ZNRF1: variants seen among roughly 807,000 people sequenced by gnomAD.
ZNRF1 encodes the protein E3 ubiquitin-protein ligase ZNRF1.
A neutral mutation model predicts 18.4 loss-of-function variants in ZNRF1; 3 were observed. The observed-to-expected ratio is 0.16, with a 90% CI of 0.07 to 0.42. The LOEUF is 0.42. Among genes scored for constraint, ZNRF1 ranks in the 10% least tolerant of loss-of-function variants. The pLI is 0.99. For missense variants in ZNRF1, 310 were observed against 329.8 expected (o/e 0.94, Z 0.47); for synonymous variants, 157 against 144.2 (o/e 1.09, Z -0.64).
chr16:75,048,815 C>T (rs192888373), intron 1 of ZNRF1, among the ~76,000 whole-genome samples: 3 of 152,104 alleles, frequency 2.0e-5, no homozygotes, highest in African/African-American at 7.2e-5. Flanking sequence ...TGAAATGGTG[C>T]GCAGATCTCG....
At chr16:75,050,345 G>A (rs2035577814) in intron 1 of ZNRF1, among the ~76,000 whole-genome samples, 1 of 152,004 alleles carries the variant, frequency 6.6e-6, no homozygotes, top group Admixed American at 6.6e-5. Flanking sequence ...GGGCAACATG[G>A]CAAAACCCTG....
At chr16:75,063,657 G>C (rs1282304890) in intron 1 of ZNRF1, among the ~76,000 whole-genome samples, 1 of 152,220 alleles carries the variant, frequency 6.6e-6, no homozygotes, top group Admixed American at 6.5e-5. Flanking sequence ...TGATGAATTT[G>C]TGAAGTTACT....
chr16:75,104,523 G>A (rs975347834), intron 2 of ZNRF1: 5 of 303,854 alleles, frequency 1.6e-5, no homozygotes, highest in Middle Eastern at 1.0e-3. Flanking sequence ...TTTTTCGTCC[G>A]CTGTCACCTA....
intron 1 of ZNRF1, among the ~76,000 whole-genome samples, chr16:75,055,364 C>T (rs2035655299): frequency 6.6e-6 from 1 of 152,248 alleles, no homozygotes; most frequent in African/African-American, 2.4e-5. Flanking sequence ...TGTATCCATT[C>T]TGTCTTTCCA....
At chr16:75,104,603 G>A (rs1029233657) in intron 2 of ZNRF1, 181 bp from the exon 3 acceptor site, 12 of 518,146 alleles carry the variant, frequency 2.3e-5, no homozygotes, top group Non-Finnish European at 3.1e-5. Context: ...TGATGTCCAC[G>A]CATTATCTCC....
rs1212307324 is a variant in ZNRF1, at chr16:75,106,585, TG to T, written c.*32+19del. 2 of 1,611,944 alleles carry T rather than the reference TG, an allele frequency of 1.2e-6. No individual in the cohort carries two copies. The highest frequency in any genetic ancestry group is 1.1e-5 in the South Asian group (1 of 91,038). ...CTCCTCTCAAAGGTGAGCCCGCGTT[TG>T]GGGGTGCTCCGGGCTCAAGGCTTGG... On this transcript the variant is annotated intron_variant, in intron 4 of 4. Coordinates refer to ENST00000335325, the MANE Select transcript of ZNRF1 (RefSeq NM_032268.5).
intron 1 of ZNRF1, among the ~76,000 whole-genome samples, chr16:75,081,288 G>A (rs1210553222): frequency 2.0e-5 from 3 of 152,202 alleles, no homozygotes; most frequent in Non-Finnish European, 2.9e-5. Flanking sequence ...GGTCTTCTGA[G>A]GGCACCTGCC....
intron 1 of ZNRF1, among the ~76,000 whole-genome samples, chr16:75,063,550 G>A (rs1371905534): frequency 6.6e-6 from 1 of 152,116 alleles, no homozygotes; most frequent in Non-Finnish European, 1.5e-5. Context: ...TATTTCGTTG[G>A]CATGTTTTTA....
chr16:74,999,912 G>C lies in ZNRF1; in HGVS notation c.241G>C (p.Asp81His). Residue 81 changes from aspartate (D) to histidine (H), a missense_variant, in exon 1 of 5, where the codon GAC (aspartate) becomes CAC (histidine). By Grantham distance (81) the Asp-to-His change is moderately conservative. Around this residue, in one of 2 missense-constraint regions of ZNRF1, gnomAD observed 293 missense variants for 291.2 expected, o/e 1.01. Coordinates refer to ENST00000335325, the MANE Select transcript of ZNRF1 (RefSeq NM_032268.5). ...CACCCCCGCCTCCCGGGGCACCGGC[G>C]ACTCCGAGAGGGCGCCCGGCGGCGG... ...LYTPASRGTG[D>H]SERAPGGGGS... 6.4e-7 allele frequency: 1 copy of C among 1,551,068 alleles called. No individual in the cohort carries two copies. The highest frequency in any genetic ancestry group is 8.7e-7 in the Non-Finnish European group (1 of 1,150,536).
intron 1 of ZNRF1, among the ~76,000 whole-genome samples, chr16:75,032,172 C>A (rs559542407): frequency 2.2e-5 from 3 of 137,590 alleles, no homozygotes; most frequent in Admixed American, 1.6e-4. Context: ...TGCAGTGGTA[C>A]GGTCTCAGCT....
intron 1 of ZNRF1, among the ~76,000 whole-genome samples, chr16:75,057,460 C>A (rs945192338): frequency 6.6e-6 from 1 of 151,962 alleles, no homozygotes; most frequent in Non-Finnish European, 1.5e-5. Context: ...AGGGGCTTGG[C>A]CTGTTTGGTG....
At chr16:75,102,840 A>G (rs1041799216) in intron 2 of ZNRF1, among the ~76,000 whole-genome samples, 4 of 152,138 alleles carry the variant, frequency 2.6e-5, no homozygotes, top group African/African-American at 9.7e-5. Context: ...CCCTTAGTGC[A>G]GGCACCTGCT....
chr16:75,071,169 G>A (rs2035865610), intron 1 of ZNRF1, among the ~76,000 whole-genome samples: 2 of 149,252 alleles, frequency 1.3e-5, no homozygotes, highest in East Asian at 2.0e-4. Context: ...GTGCAATCTT[G>A]GCTCACTGCA....
Position 74,999,730 on chromosome 16 carries a change from C to T in ZNRF1, c.59C>T (p.Thr20Ile), listed in dbSNP as rs1445996000. The T allele has an allele frequency of 7.2e-7, 1 of 1,386,748 alleles. No homozygotes were observed. The highest frequency in any genetic ancestry group is 9.3e-7 in the Non-Finnish European group (1 of 1,077,034). 85.9% of individuals were successfully genotyped at this position (1,386,748 alleles called of 1,614,324 possible). A position where few individuals can be genotyped will look rare whatever the true frequency, so the allele number is the denominator to read the frequency against. Reference protein sequence around the residue: ...RSRGPFPGVSTDDSAVPPPGG... With the variant: ...RSRGPFPGVSIDDSAVPPPGG... ...CGGGGCCCCTTCCCGGGGGTCTCCA[C>T]CGATGACAGCGCCGTGCCGCCGCCG... The change falls in exon 1 of 5, where the codon ACC becomes ATC. Residue 20 changes from threonine to isoleucine, a missense_variant. By Grantham distance (89) the Thr-to-Ile change is moderately conservative. Transcript: ENST00000335325.
At chr16:75,082,933 T>A (rs1328793435) in intron 1 of ZNRF1, among the ~76,000 whole-genome samples, 1 of 152,246 alleles carries the variant, frequency 6.6e-6, no homozygotes, top group African/African-American at 2.4e-5. Context: ...TTTTCATATG[T>A]TCATTGATTC....
At chr16:75,045,668 A>G (rs2145366781) in intron 1 of ZNRF1, among the ~76,000 whole-genome samples, 1 of 150,748 alleles carries the variant, frequency 6.6e-6, no homozygotes, top group East Asian at 2.0e-4. Context: ...GTGAACCTGC[A>G]TCTGGTGCCA....
At chr16:75,041,682 G>A (rs1184296165) in intron 1 of ZNRF1, among the ~76,000 whole-genome samples, 1 of 151,874 alleles carries the variant, frequency 6.6e-6, no homozygotes, top group Non-Finnish European at 1.5e-5. Flanking sequence ...CCCTTTTCAT[G>A]TGTTTAACAA....
intron 1 of ZNRF1, among the ~76,000 whole-genome samples, chr16:75,068,904 G>A (rs1324570127): frequency 6.6e-6 from 1 of 151,614 alleles, no homozygotes; most frequent in African/African-American, 2.4e-5. Flanking sequence ...CTGTGAAATG[G>A]GCCAGAAGTT....
intron 1 of ZNRF1, among the ~76,000 whole-genome samples, chr16:75,005,689 A>G (rs1002721692): frequency 1.3e-5 from 2 of 152,214 alleles, no homozygotes; most frequent in Non-Finnish European, 2.9e-5. Flanking sequence ...CCTTTGATAA[A>G]GTTTTATTTA....
Sources: gnomAD v4.1 joint callset for allele counts (sites outside exome capture counted in the v4.1 genomes callset) on GRCh38, gnomAD v4.1.1 for gene constraint, gnomAD v4.1.1 regional missense constraint, MANE v1.5 for transcripts, NCBI Gene and HGNC (gene_info 2026-07-23, HGNC 2026-07-21) for gene names.